Variants in GPRC6A observed in about 807,000 individuals in gnomAD.
GPRC6A encodes the protein G protein-coupled receptor family C group 6 member A.
A neutral mutation model predicts 47.0 loss-of-function variants in GPRC6A; 54 were observed. The observed-to-expected ratio is 1.15, with a 90% CI of 0.92 to 1.44. GPRC6A has a LOEUF of 1.44. Ranked by LOEUF, GPRC6A falls within the 40% of genes most tolerant of loss-of-function variation. The pLI, the probability that GPRC6A is intolerant of heterozygous loss-of-function variation, is 0.00. For synonymous variants in GPRC6A, 347 were observed against 377.1 expected (o/e 0.92, Z 0.93); for missense variants, 1,112 against 1,105.5 (o/e 1.01, Z -0.08).
At chr6:116,796,816 C>A (rs575978226) in intron 4 of GPRC6A, among the ~76,000 whole-genome samples, 40 of 152,204 alleles carry the variant, frequency 2.6e-4, no homozygotes, top group South Asian at 1.5e-3. Context: ...GGGAATTCCC[C>A]AGGGCAAACT....
chr6:116,796,023 C>A (rs148242954), intron 4 of GPRC6A, among the ~76,000 whole-genome samples, 188 bp from the exon 5 acceptor site: 1 of 151,932 alleles, frequency 6.6e-6, no homozygotes, highest in Non-Finnish European at 1.5e-5. Flanking sequence ...AGCTGCTTTA[C>A]GAAGAACACA....
At chr6:116,822,653 T>C (rs1309324435) in intron 1 of GPRC6A, among the ~76,000 whole-genome samples, 1 of 145,876 alleles carries the variant, frequency 6.9e-6, no homozygotes, top group Non-Finnish European at 1.5e-5. Flanking sequence ...TAGGTGGGAA[T>C]TGAACAATGA....
At chr6:116,810,167 G>T (rs1359266004) in intron 1 of GPRC6A, among the ~76,000 whole-genome samples, 1 of 152,030 alleles carries the variant, frequency 6.6e-6, no homozygotes, top group African/African-American at 2.4e-5. Flanking sequence ...GATTATTCCA[G>T]AGCACTGAGT....
chr6:116,795,587 T>C, intron 5 of GPRC6A, 125 bp downstream of exon 5: 1 of 703,658 alleles, frequency 1.4e-6, no homozygotes. Context: ...GGAATTTAAT[T>C]TCACAGGAGC....
chr6:116,818,702 A>C (rs1427877652), intron 1 of GPRC6A, among the ~76,000 whole-genome samples: 1 of 151,778 alleles, frequency 6.6e-6, no homozygotes, highest in Non-Finnish European at 1.5e-5. Context: ...GAGCTCCTGA[A>C]GGAAGCGCTA....
intron 1 of GPRC6A, among the ~76,000 whole-genome samples, chr6:116,815,952 G>C (rs889868928): frequency 6.6e-6 from 1 of 152,214 alleles, no homozygotes; most frequent in Non-Finnish European, 1.5e-5. Context: ...CATAATGCTG[G>C]CATCTGCTCA....
At chr6:116,813,993 A>G (rs139128328) in intron 1 of GPRC6A, among the ~76,000 whole-genome samples, 1 of 152,360 alleles carries the variant, frequency 6.6e-6, no homozygotes, top group East Asian at 1.9e-4. Context: ...GCCAACAGAC[A>G]CATGAAAAAA....
Position 116,819,300 on chromosome 6 carries a change from G to A in GPRC6A, c.194+9520C>T, listed in dbSNP as rs867664595. ...CACTGTCAACATTAGACAGATCAAC[G>A]AGACAGAAAGTCAACAAGGATACCC... On this transcript the variant is annotated intron_variant, in intron 1 of 5. Transcript: ENST00000310357. Among the ~76,000 whole-genome samples, 439 of 148,362 alleles carry A rather than the reference G, an allele frequency of 3.0e-3. 3 individuals carry two copies. Among genetic ancestry groups the A allele is most frequent in the Middle Eastern group, 0.014 (4 of 284 alleles).
At position 116,800,693 on chromosome 6, in the gene GPRC6A, T is replaced by C. The variant is rs755104100; in HGVS notation, c.1439A>G (p.Lys480Arg). The change falls in exon 4 of 6, where the codon AAG becomes AGG. Residue 480 changes from lysine (K) to arginine (R), a missense_variant. Coordinates refer to ENST00000310357, the MANE Select transcript of GPRC6A (RefSeq NM_148963.4). The part of the protein sequence containing the change: ...LNTGYDVVLW[K>R]EINGHMTVTK... ...GACAGTCATGTGTCCATTGATCTCCTTCCAGAGCACAACATCATATCCAGT... is the reference window on the plus strand; with the variant it reads ...GACAGTCATGTGTCCATTGATCTCCCTCCAGAGCACAACATCATATCCAGT... 6.2e-7 allele frequency: 1 copy of C among 1,610,326 alleles called. No individual in the cohort carries two copies. The highest frequency in any genetic ancestry group is 1.1e-5 in the South Asian group (1 of 91,018).
At chr6:116,809,261 T>G in intron 2 of GPRC6A, 53 bp downstream of exon 2, 1 of 1,449,506 alleles carries the variant, frequency 6.9e-7, no homozygotes, top group East Asian at 2.3e-5. Context: ...CCTGATCCTT[T>G]CATAATAACA....
chr6:116,794,249 A>G (rs947199280), intron 5 of GPRC6A, among the ~76,000 whole-genome samples: 1 of 152,160 alleles, frequency 6.6e-6, no homozygotes, highest in Non-Finnish European at 1.5e-5. Flanking sequence ...ATTTCTGTTT[A>G]TAAACTTCAT....
chr6:116,826,916 A>C lies in GPRC6A; in HGVS notation c.194+1904T>G, dbSNP rs567438757. Among the ~76,000 whole-genome samples, 109 of 152,148 alleles carry C rather than the reference A, an allele frequency of 7.2e-4. 1 individual carries two copies. The South Asian group carries it at 0.023, about 32-fold the overall frequency. On this transcript the variant is annotated intron_variant, in intron 1 of 5. Coordinates refer to ENST00000310357, the MANE Select transcript of GPRC6A (RefSeq NM_148963.4). ...TTTGCAGCAACATGGATGAAACTGGAGGCCATTATGTTAAGTGAAACAACT... is the reference window on the plus strand; with the variant it reads ...TTTGCAGCAACATGGATGAAACTGGCGGCCATTATGTTAAGTGAAACAACT...
intron 2 of GPRC6A, among the ~76,000 whole-genome samples, chr6:116,808,592 A>G (rs1772927379): frequency 6.6e-6 from 1 of 152,110 alleles, no homozygotes; most frequent in African/African-American, 2.4e-5. Context: ...TTGAATTCTT[A>G]TACACATTCA....
At chr6:116,799,412 CAG>C (rs1006670545) in intron 4 of GPRC6A, among the ~76,000 whole-genome samples, 1 of 152,000 alleles carries the variant, frequency 6.6e-6, no homozygotes, top group Non-Finnish European at 1.5e-5. Context: ...GCAAAGGAGA[CAG>C]AGAATTAGTG....
At chr6:116,798,685 C>G (rs541042018) in intron 4 of GPRC6A, among the ~76,000 whole-genome samples, 1 of 151,954 alleles carries the variant, frequency 6.6e-6, no homozygotes, top group South Asian at 2.1e-4. Flanking sequence ...GAGTTCAAGA[C>G]TAGCCTGGTC....
intron 1 of GPRC6A, among the ~76,000 whole-genome samples, chr6:116,811,396 G>C (rs1773019918): frequency 6.6e-6 from 1 of 151,844 alleles, no homozygotes; most frequent in Non-Finnish European, 1.5e-5. Flanking sequence ...ACATGAAAAA[G>C]CCAGGAAAAT....
chr6:116,819,875 A>G (rs1312456940), intron 1 of GPRC6A, among the ~76,000 whole-genome samples: 2 of 150,342 alleles, frequency 1.3e-5, no homozygotes, highest in Non-Finnish European at 3.0e-5. Context: ...GAACTGAAGG[A>G]AATAGAGACA....
At chr6:116,793,299 G>A in intron 5 of GPRC6A, 49 bp from the exon 6 acceptor site, 1 of 1,318,074 alleles carries the variant, frequency 7.6e-7, no homozygotes, top group Non-Finnish European at 1.0e-6. Flanking sequence ...TAAACTAGGT[G>A]ATAGTCCACA....
Position 116,817,260 on chromosome 6 carries a change from C to A in GPRC6A, c.195-7643G>T, listed in dbSNP as rs369514534. 3.7e-3 allele frequency among the ~76,000 whole-genome samples: 569 copies of A among 151,914 alleles called. 5 individuals carry two copies. The highest frequency in any genetic ancestry group is 0.024 in the Middle Eastern group (7 of 294). Reference sequence around the variant, plus strand: ...CCCCGAGCAGCCTAACTGGGAGGCACCCCCCAGCAGGGGCACACTGACATC... The same window carrying A: ...CCCCGAGCAGCCTAACTGGGAGGCAACCCCCAGCAGGGGCACACTGACATC... On this transcript the variant is annotated intron_variant, in intron 1 of 5. Transcript: ENST00000310357.
Sources: allele counts gnomAD v4.1 joint callset (sites outside exome capture counted in the v4.1 genomes callset), GRCh38; gene constraint gnomAD v4.1.1; transcripts MANE v1.5; gene names NCBI Gene and HGNC (gene_info 2026-07-23, HGNC 2026-07-21).